Variants in RMND5B observed in about 807,000 individuals in gnomAD.
The protein encoded by RMND5B is required for meiotic nuclear division 5 homolog B, also known as E3 ubiquitin-protein transferase RMND5B.
In RMND5B, 42 loss-of-function variants were observed where a neutral mutation model predicts 50.4. That is an observed-to-expected ratio of 0.83 (90% CI 0.65 to 1.08). The LOEUF (loss-of-function observed/expected upper bound fraction) is 1.08, where lower values mean the gene tolerates loss of function less well. Ranked by LOEUF, RMND5B falls within the 50% of genes least tolerant of loss-of-function variation. The pLI is 0.00. For missense variants in RMND5B, 463 were observed against 508.5 expected (o/e 0.91, Z 0.86); for synonymous variants, 220 against 210.0 (o/e 1.05, Z -0.41).
intron 3 of RMND5B, chr5:178,141,478 C>T (rs1224766272): frequency 6.6e-6 from 1 of 152,042 alleles, no homozygotes; most frequent in African/African-American, 2.4e-5. Flanking sequence ...GCACTCCAGC[C>T]TGGGTGACAG....
rs1756203142 is a variant in RMND5B, at chr5:178,149,496, A to G, written c.*1464A>G. The G allele has an allele frequency of 1.8e-6, 1 of 563,798 alleles. No homozygotes were observed. Among genetic ancestry groups the G allele is most frequent in the East Asian group, 3.3e-5 (1 of 29,952 alleles). 34.9% of individuals were successfully genotyped at this position (563,798 alleles called of 1,614,324 possible). ...TTAGCATTTACTTTCCCCACCCCAC[A>G]TTCTTGGAACAGCCTTTAGTTCTAC... On this transcript the variant is annotated 3_prime_UTR_variant, in exon 11 of 11. Coordinates refer to ENST00000313386, the MANE Select transcript of RMND5B (RefSeq NM_022762.5).
Position 178,132,173 on chromosome 5 carries a change from G to T in RMND5B, c.-13+797G>T, listed in dbSNP as rs181383819. On this transcript the variant is annotated intron_variant, in intron 2 of 10. Coordinates refer to ENST00000313386, the MANE Select transcript of RMND5B (RefSeq NM_022762.5). The stretch of plus-strand genomic sequence containing the variant: ...CCAAAAAATTAGGCTGGGCGCAGTG[G>T]CTCACGCTTGTAACCCCAGCACTTT... Among the ~76,000 whole-genome samples the T allele has an allele frequency of 1.7e-4, 26 of 152,216 alleles. No individual in the cohort carries two copies. In the East Asian group the frequency reaches 4.4e-3, roughly 26 times the overall value.
intron 5 of RMND5B, 38 bp from the exon 6 acceptor site, chr5:178,143,589 T>A: frequency 6.8e-7 from 1 of 1,462,402 alleles, no homozygotes. Flanking sequence ...GGAAACACCA[T>A]CTTCCAGTGG....
rs1756211929 is a variant in RMND5B, at chr5:178,149,714, C to T, written c.*1682C>T. 1 of 1,613,760 alleles carries T rather than the reference C, an allele frequency of 6.2e-7. No homozygotes were observed. The highest frequency in any genetic ancestry group is 2.2e-5 in the East Asian group (1 of 44,874). ...GTGCCCAGGTGCTACCGGAGCCCCT[C>T]ATAGGGGTAGGGGCAGGGACTGCAC... is the stretch of plus-strand genomic sequence containing the variant. On this transcript the variant is annotated 3_prime_UTR_variant, in exon 11 of 11. Transcript: ENST00000313386.
chr5:178,143,847 G>C (rs973933020), intron 6 of RMND5B, 95 bp from the exon 7 acceptor site: 2 of 1,499,182 alleles, frequency 1.3e-6, no homozygotes, highest in Non-Finnish European at 1.9e-6. Flanking sequence ...TGTCTCAAGA[G>C]CCTCACACAG....
rs1189074285 is a variant in RMND5B, at chr5:178,150,199, T to A, written c.*2167T>A. 4.3e-6 allele frequency: 1 copy of A among 230,666 alleles called. No individual in the cohort carries two copies. The highest frequency in any genetic ancestry group is 2.3e-5 in the African/African-American group (1 of 43,024). 14.3% of individuals were successfully genotyped at this position (230,666 alleles called of 1,614,324 possible). A position where few individuals can be genotyped will look rare whatever the true frequency, so the allele number is the denominator to read the frequency against. On this transcript the variant is annotated 3_prime_UTR_variant, in exon 11 of 11. Transcript: ENST00000313386. ...CTAAACCCACCTAACCGGACTAACA[T>A]GGGTGAAGCATCTTAGCTTACAAAG... is the stretch of plus-strand genomic sequence containing the variant.
At position 178,131,034 on chromosome 5, in the gene RMND5B, G is replaced by A. The variant is rs2113358323; in HGVS notation, c.-173G>A. The A allele has an allele frequency of 1.3e-5, 2 of 151,720 alleles. No homozygotes were observed. Among genetic ancestry groups the A allele is most frequent in the East Asian group, 3.9e-4 (2 of 5,146 alleles). 9.4% of individuals were successfully genotyped at this position (151,720 alleles called of 1,614,324 possible). A position where few individuals can be genotyped will look rare whatever the true frequency, so the allele number is the denominator to read the frequency against. ...CCGATGACAGTGGCGCCGGAAGCCG[G>A]GGCCGGGGCTGCGGGGCGAGGTGAG... On this transcript the variant is annotated 5_prime_UTR_variant, in exon 1 of 11. Coordinates refer to ENST00000313386, the MANE Select transcript of RMND5B (RefSeq NM_022762.5).
rs1478197129 is a variant in RMND5B at position 178,131,029 on chromosome 5, A to AGCCGGG, written c.-169_-164dup. 1 of 150,114 alleles carries AGCCGGG rather than the reference A, an allele frequency of 6.7e-6. No homozygotes were observed. Among genetic ancestry groups the AGCCGGG allele is most frequent in the African/African-American group, 2.5e-5 (1 of 40,616 alleles). The allele number at this position is 150,114 out of a possible 1,614,324, so 9.3% of individuals were successfully genotyped here. Reference sequence around the variant, plus strand: ...CGGTTCCGATGACAGTGGCGCCGGAAGCCGGGGCCGGGGCTGCGGGGCGAG... The same window carrying AGCCGGG: ...CGGTTCCGATGACAGTGGCGCCGGAAGCCGGGGCCGGGGCCGGGGCTGCGGGGCGAG... On this transcript the variant is annotated 5_prime_UTR_variant, in exon 1 of 11. Coordinates refer to ENST00000313386, the MANE Select transcript of RMND5B (RefSeq NM_022762.5).
chr5:178,138,519 T>TTGTGTGTGTG lies in RMND5B; in HGVS notation c.139+281_139+290dup, dbSNP rs10657977. The TTGTGTGTGTG allele has an allele frequency of 3.5e-3, 1,041 of 301,412 alleles. 9 individuals carry two copies. Among genetic ancestry groups the TTGTGTGTGTG allele is most frequent in the South Asian group, 6.1e-3 (126 of 20,700 alleles). The allele number at this position is 301,412 out of a possible 1,614,324, so 18.7% of individuals were successfully genotyped here. A position where few individuals can be genotyped will look rare whatever the true frequency, so the allele number is the denominator to read the frequency against. On this transcript the variant is annotated intron_variant, in intron 3 of 10. Transcript: ENST00000313386. This position sits in a 1 kb window ranked among gnomAD's most constrained non-coding sequence, Gnocchi z 5.1. ...TTTTTAACTTTTTTTCATTTTATAA[T>TTGTGTGTGTG]TGTGTGTGTGTGTGTGTGTGTGTGT...
intron 2 of RMND5B, chr5:178,135,192 C>A (rs1460202478): frequency 5.0e-6 from 1 of 198,540 alleles, no homozygotes; most frequent in Non-Finnish European, 1.1e-5. Context: ...CTTGCTCAGG[C>A]TGGAATGCAG....
Position 178,138,639 on chromosome 5 carries a change from T to C in RMND5B, c.139+381T>C, listed in dbSNP as rs971380680. ...TCAGCCTCCCAAAGTGCTGGAATTA[T>C]ATGCGTGAGCCACCATGCCTGGCCT... On this transcript the variant is annotated intron_variant, in intron 3 of 10. Coordinates refer to ENST00000313386, the MANE Select transcript of RMND5B (RefSeq NM_022762.5). The surrounding 1 kb of genome is among the most constrained non-coding windows in gnomAD (Gnocchi z 5.1). Among the ~76,000 whole-genome samples the C allele has an allele frequency of 2.0e-5, 3 of 151,858 alleles. No individual in the cohort carries two copies. Among genetic ancestry groups the C allele is most frequent in the African/African-American group, 4.8e-5 (2 of 41,322 alleles).
Position 178,150,530 on chromosome 5 carries a change from C to T in RMND5B, c.*2498C>T. 2 of 376,862 alleles carry T rather than the reference C, an allele frequency of 5.3e-6. No homozygotes were observed. Among genetic ancestry groups the T allele is most frequent in the South Asian group, 4.1e-5 (2 of 48,734 alleles). The allele number at this position is 376,862 out of a possible 1,614,324, so 23.3% of individuals were successfully genotyped here. A position where few individuals can be genotyped will look rare whatever the true frequency, so the allele number is the denominator to read the frequency against. ...AAGTGGCTGGGACTACAGGCATGTG[C>T]CACCACACCCAGCTAATTAAAAAAA... On this transcript the variant is annotated 3_prime_UTR_variant, in exon 11 of 11. Transcript: ENST00000313386.
At position 178,138,518 on chromosome 5, in the gene RMND5B, A is replaced by G. The variant is rs998616855; in HGVS notation, c.139+260A>G. On this transcript the variant is annotated intron_variant, in intron 3 of 10. Coordinates refer to ENST00000313386, the MANE Select transcript of RMND5B (RefSeq NM_022762.5). The surrounding 1 kb of genome is among the most constrained non-coding windows in gnomAD (Gnocchi z 5.1). ...ATTTTTAACTTTTTTTCATTTTATA[A>G]TTGTGTGTGTGTGTGTGTGTGTGTG... The G allele has an allele frequency of 3.6e-5, 13 of 363,804 alleles. No individual in the cohort carries two copies. The African/African-American group carries it at 5.2e-4, about 15-fold the overall frequency. 22.5% of individuals were successfully genotyped at this position (363,804 alleles called of 1,614,324 possible).
chr5:178,132,110 C>A (rs1758343894), intron 2 of RMND5B, among the ~76,000 whole-genome samples: 1 of 152,060 alleles, frequency 6.6e-6, no homozygotes, highest in African/African-American at 2.4e-5. Context: ...CTCAGCACTT[C>A]AAGACCAACC....
rs574041577 is a variant in RMND5B at position 178,146,264 on chromosome 5, C to T, written c.845C>T (p.Ser282Phe). 1.2e-6 allele frequency: 2 copies of T among 1,613,954 alleles called. No homozygotes were observed. Among genetic ancestry groups the T allele is most frequent in the Middle Eastern group, 1.6e-4 (1 of 6,062 alleles). The stretch of plus-strand genomic sequence containing the variant: ...TCCCTGCTGGGGCTTTCTGTGGAGT[C>T]CCCCCTTAGCGTCAGGTACAACCCA... ...ACSLLGLSVE[S>F]PLSVSFASGC... is the part of the protein sequence containing the mutation. Residue 282 changes from serine to phenylalanine, a missense_variant, in exon 8 of 11, where the codon TCC becomes TTC. Transcript: ENST00000313386.
At position 178,143,948 on chromosome 5, in the gene RMND5B, C is replaced by T. The variant is rs140368602; in HGVS notation, c.534C>T (p.Ala178=). 1.4e-5 allele frequency: 23 copies of T among 1,614,038 alleles called. No individual in the cohort carries two copies. The highest frequency in any genetic ancestry group is 1.3e-4 in the African/African-American group (10 of 74,950). Residue 178 remains alanine, a synonymous_variant, in exon 7 of 11, where the codon GCC becomes GCT. Coordinates refer to ENST00000313386, the MANE Select transcript of RMND5B (RefSeq NM_022762.5). ...CTGGCCCCTTTCTTCCCAGATGGGC[C>T]GTCTCCCACAGGCAGCGCCTGCTGG... ...EQDLGPALEW[A]VSHRQRLLEL... is the part of the protein sequence containing the mutation.
In RMND5B at chr5:178,147,544, G is replaced by C. The variant is rs1325179453; in HGVS notation, c.872G>C (p.Gly291Ala). ...ESPLSVSFAS[G>A]CVALPVLMNI... ...TTCCTTGTCTGCAGCTTTGCCTCTG[G>C]CTGTGTGGCGCTGCCTGTGTTGATG... Residue 291 changes from glycine to alanine, a missense_variant, in exon 9 of 11, where the codon GGC becomes GCC. Physicochemically the swap from Gly to Ala is moderately conservative, Grantham distance 60. Transcript: ENST00000313386. 7 of 1,613,984 alleles carry C rather than the reference G, an allele frequency of 4.3e-6. No homozygotes were observed. Among genetic ancestry groups the C allele is most frequent in the Non-Finnish European group, 5.9e-6 (7 of 1,179,958 alleles).
chr5:178,142,908 A>ACAG lies in RMND5B; in HGVS notation c.352_354dup (p.Gln118dup), dbSNP rs750867513. On this transcript the variant is annotated inframe_insertion, in exon 5 of 11. Coordinates refer to ENST00000313386, the MANE Select transcript of RMND5B (RefSeq NM_022762.5). ...CAGATGCGGTGTGGGACGCGCGGGAACAGCAGCAGCAGATCCTGCAGATGG... is the reference window on the plus strand; with the variant it reads ...CAGATGCGGTGTGGGACGCGCGGGAACAGCAGCAGCAGCAGATCCTGCAGATGG... The ACAG allele has an allele frequency of 2.5e-6, 4 of 1,614,182 alleles. No individual in the cohort carries two copies. The highest frequency in any genetic ancestry group is 2.2e-5 in the South Asian group (2 of 91,082).
intron 3 of RMND5B, chr5:178,141,227 G>C (rs1581120574): frequency 6.6e-6 from 1 of 152,284 alleles, no homozygotes; most frequent in East Asian, 1.9e-4. Context: ...ACTCTGTCCA[G>C]GTGCAGTGGC....
Sources: allele counts gnomAD v4.1 joint callset (sites outside exome capture counted in the v4.1 genomes callset), GRCh38; gene constraint gnomAD v4.1.1; non-coding constraint Gnocchi (gnomAD v3.1); transcripts MANE v1.5; gene names NCBI Gene and HGNC (gene_info 2026-07-23, HGNC 2026-07-21).